TENM2: variants seen among roughly 807,000 people sequenced by gnomAD.
TENM2 encodes teneurin-2.
Under a neutral mutation model 245.2 loss-of-function variants are expected in TENM2, and 52 were observed. The observed-to-expected ratio is 0.21, with a 90% CI of 0.17 to 0.27. The LOEUF (loss-of-function observed/expected upper bound fraction) is 0.27, where lower values mean the gene tolerates loss of function less well. Among genes scored for constraint, TENM2 ranks in the 10% least tolerant of loss-of-function variants. The pLI is 1.00. For missense variants in TENM2, 3,046 were observed against 3,666.8 expected (o/e 0.83, Z 4.37); for synonymous variants, 1,363 against 1,438.9 (o/e 0.95, Z 1.19).
the TENM2 span, among the ~76,000 whole-genome samples, chr5:167,253,500 T>C: frequency 6.6e-6 from 1 of 152,112 alleles, no homozygotes; most frequent in Non-Finnish European, 1.5e-5. Flanking sequence ...GTTAAGTTTT[T>C]AAAACGTAAA....
chr5:167,768,257 T>C (rs902088018), intron 2 of TENM2, among the ~76,000 whole-genome samples: 2 of 152,154 alleles, frequency 1.3e-5, no homozygotes, highest in Admixed American at 1.3e-4. Flanking sequence ...AAGTAGATAG[T>C]TCTTTATGTG....
At chr5:168,020,304 T>C (rs1364361513) in intron 5 of TENM2, among the ~76,000 whole-genome samples, 1 of 152,178 alleles carries the variant, frequency 6.6e-6, no homozygotes, top group Admixed American at 6.5e-5. Flanking sequence ...AGAAGGATTC[T>C]CCAAAACCCA....
At chr5:167,711,840 T>G (rs1758932639) in intron 2 of TENM2, among the ~76,000 whole-genome samples, 1 of 152,208 alleles carries the variant, frequency 6.6e-6, no homozygotes, top group African/African-American at 2.4e-5. Context: ...TTTTTCTCTC[T>G]TCACTCTTCT....
At chr5:167,182,165 G>A in the TENM2 span, among the ~76,000 whole-genome samples, 1 of 152,018 alleles carries the variant, frequency 6.6e-6, no homozygotes, top group African/African-American at 2.4e-5. Flanking sequence ...TGGATGCTTG[G>A]ATGGAAAATA....
intron 27 of TENM2, among the ~76,000 whole-genome samples, chr5:168,257,126 A>T (rs1019154996): frequency 9.9e-5 from 15 of 152,138 alleles, no homozygotes; most frequent in African/African-American, 3.6e-4. Context: ...TAAACTCCCC[A>T]TGCTGGTGGA....
intron 2 of TENM2, among the ~76,000 whole-genome samples, chr5:167,866,497 C>CAA (rs57131518): frequency 5.5e-4 from 44 of 80,054 alleles, no homozygotes; most frequent in Non-Finnish European, 6.8e-4. Context: ...GACTCCATCT[C>CAA]AAAAAAAAAA....
intron 2 of TENM2, among the ~76,000 whole-genome samples, chr5:167,829,869 A>G (rs1237803501): frequency 6.6e-6 from 1 of 152,162 alleles, no homozygotes; most frequent in Non-Finnish European, 1.5e-5. Flanking sequence ...GGTGGGAAAG[A>G]GAGGCTATGC....
chr5:167,084,366 T>TATATATAC, the TENM2 span, among the ~76,000 whole-genome samples: 28 of 114,876 alleles, frequency 2.4e-4, no homozygotes, highest in Admixed American at 1.8e-3. Flanking sequence ...TATATATATA[T>TATATATAC]ACAGATCAGA....
intron 3 of TENM2, among the ~76,000 whole-genome samples, chr5:167,930,449 A>G (rs1778189361): frequency 6.9e-6 from 1 of 144,126 alleles, no homozygotes; most frequent in Non-Finnish European, 1.5e-5. Context: ...AGCTTTTCTT[A>G]GAATTTTATT....
intron 25 of TENM2, chr5:168,231,019 G>A (rs1262032837): frequency 6.6e-6 from 1 of 152,230 alleles, no homozygotes; most frequent in Non-Finnish European, 1.5e-5. Context: ...GCTCTGTCTT[G>A]CGATCCTGCC....
At chr5:167,992,524 A>T (rs1450374143) in intron 4 of TENM2, among the ~76,000 whole-genome samples, 2 of 152,192 alleles carry the variant, frequency 1.3e-5, no homozygotes, top group Non-Finnish European at 2.9e-5. Flanking sequence ...AATAATCTGT[A>T]CATCAAATGC....
chr5:168,161,778 A>C (rs1488996915), intron 12 of TENM2, among the ~76,000 whole-genome samples: 1 of 151,698 alleles, frequency 6.6e-6, no homozygotes, highest in Non-Finnish European at 1.5e-5. Context: ...AGAAAATTAC[A>C]CAGGCAGCCA....
rs201601873 is a variant in TENM2 at position 167,350,996 on chromosome 5, A to G, written c.227-24202A>G. ...TATATACATATGGATATATATATGG[A>G]TTATATACATATGGATATATATATA... is the stretch of plus-strand genomic sequence containing the variant. On this transcript the variant is annotated intron_variant, in intron 1 of 28. Coordinates refer to ENST00000518659, the Ensembl canonical transcript of TENM2. Among the ~76,000 whole-genome samples, 21 of 63,570 alleles carry G rather than the reference A, an allele frequency of 3.3e-4. 4 individuals are homozygous for G. The highest frequency in any genetic ancestry group is 5.5e-4 in the African/African-American group (12 of 21,924). 41.7% of individuals were successfully genotyped at this position (63,570 alleles called of 152,430 possible).
chr5:167,625,444 A>G (rs1412909358), intron 2 of TENM2, among the ~76,000 whole-genome samples: 1 of 152,230 alleles, frequency 6.6e-6, no homozygotes, highest in African/African-American at 2.4e-5. Flanking sequence ...ATAAACCATT[A>G]CTTATCAAGA....
chr5:167,930,925 AT>A (rs1230521731), intron 3 of TENM2, among the ~76,000 whole-genome samples: 13 of 152,186 alleles, frequency 8.5e-5, no homozygotes, highest in Admixed American at 7.9e-4. Context: ...TGCACACCGT[AT>A]AGTTGCATAA....
chr5:167,526,751 C>G (rs79636915), intron 2 of TENM2, among the ~76,000 whole-genome samples: 6,929 of 152,056 alleles, frequency 0.046, 436 homozygotes, highest in East Asian at 0.3. Flanking sequence ...ATTGTGCCTT[C>G]TACCATAGAT....
chr5:168,156,211 T>A (rs1357841833), intron 12 of TENM2, among the ~76,000 whole-genome samples: 3 of 121,948 alleles, frequency 2.5e-5, no homozygotes, highest in Non-Finnish European at 4.8e-5. Flanking sequence ...TTCCCAGAAC[T>A]CTGACTCCAA....
At chr5:167,966,345 C>G (rs1781386171) in intron 4 of TENM2, among the ~76,000 whole-genome samples, 1 of 152,222 alleles carries the variant, frequency 6.6e-6, no homozygotes, top group African/African-American at 2.4e-5. Context: ...GAAAGCGCAA[C>G]AGCCATGGGT....
At chr5:167,242,141 C>T in the TENM2 span, among the ~76,000 whole-genome samples, 27 of 151,218 alleles carry the variant, frequency 1.8e-4, no homozygotes, top group East Asian at 4.9e-3. Flanking sequence ...CCTCTGCCTC[C>T]CAGGTTCAAG....
Sources: allele counts gnomAD v4.1 joint callset (sites outside exome capture counted in the v4.1 genomes callset), GRCh38; gene constraint gnomAD v4.1.1; transcripts MANE v1.5; gene names NCBI Gene and HGNC (gene_info 2026-07-23, HGNC 2026-07-21).